The following OR10K1 variants were observed in gnomAD, a reference collection of about 807,000 sequenced individuals.
OR10K1 encodes the protein olfactory receptor 10K1.
For missense variants in OR10K1, 404 were observed against 373.3 expected (o/e 1.08, Z -0.68); for synonymous variants, 186 against 152.5 (o/e 1.22, Z -1.62).
At position 158,465,734 on chromosome 1, in the gene OR10K1, C is replaced by T. The variant is rs144744246; in HGVS notation, c.173C>T (p.Pro58Leu). The T allele has an allele frequency of 5.0e-6, 8 of 1,614,080 alleles. No individual in the cohort carries two copies. The African/African-American group carries it at 1.1e-4, about 22-fold the overall frequency. Residue 58 changes from proline (P) to leucine (L), a missense_variant, in exon 2 of 2, where the codon CCC (proline) becomes CTC (leucine). Physicochemically the swap from Pro to Leu is moderately conservative, Grantham distance 98. Transcript: ENST00000641535. ...TIVLDRALHT[P>L]MYFFLAILSC... ...GTGCTGGACAGAGCCCTTCATACTC[C>T]CATGTACTTCTTCCTTGCCATCCTT...
Position 158,465,831 on chromosome 1 carries a change from G to A in OR10K1, c.270G>A (p.Lys90=), listed in dbSNP as rs1656023318. The change falls in exon 2 of 2, where the codon AAG becomes AAA. Residue 90 remains lysine, a synonymous_variant. Transcript: ENST00000641535. The part of the protein sequence containing the change: ...KMLVDLLSQK[K]TISFLGCAIQ... ...TGGTTGACCTGCTGTCCCAGAAGAAGACCATTTCTTTCCTGGGCTGTGCCA... is the reference window on the plus strand; with the variant it reads ...TGGTTGACCTGCTGTCCCAGAAGAAAACCATTTCTTTCCTGGGCTGTGCCA... 2 of 1,614,066 alleles carry A rather than the reference G, an allele frequency of 1.2e-6. No homozygotes were observed. The highest frequency in any genetic ancestry group is 8.5e-7 in the Non-Finnish European group (1 of 1,180,044).
At position 158,467,103 on chromosome 1, in the gene OR10K1, T is replaced by A; in HGVS notation, c.*600T>A. The A allele has an allele frequency of 6.5e-6, 1 of 153,166 alleles. No individual in the cohort carries two copies. The highest frequency in any genetic ancestry group is 1.5e-5 in the Non-Finnish European group (1 of 68,804). 9.5% of individuals were successfully genotyped at this position (153,166 alleles called of 1,614,324 possible). A position where few individuals can be genotyped will look rare whatever the true frequency, so the allele number is the denominator to read the frequency against. On this transcript the variant is annotated 3_prime_UTR_variant, in exon 2 of 2. Coordinates refer to ENST00000641535, the MANE Select transcript of OR10K1 (RefSeq NM_001004473.2). The stretch of plus-strand genomic sequence containing the variant: ...TGGAACCACTTTATGGTTCTCTTCC[T>A]GATGCACATGTATGTCCTTCACATA...
Position 158,466,562 on chromosome 1 carries a change from AC to A in OR10K1, c.*60del. ...ATGCCAGGCAGAACGTGTGTTTTAT[AC>A]ATTTTTTTTCATTTAATTGTCCAGC... is the stretch of plus-strand genomic sequence containing the variant. On this transcript the variant is annotated 3_prime_UTR_variant, in exon 2 of 2. Transcript: ENST00000641535. 1 of 1,062,766 alleles carries A rather than the reference AC, an allele frequency of 9.4e-7. No individual in the cohort carries two copies. Among genetic ancestry groups the A allele is most frequent in the Non-Finnish European group, 1.4e-6 (1 of 723,640 alleles). The allele number at this position is 1,062,766 out of a possible 1,614,324, so 65.8% of individuals were successfully genotyped here. A position where few individuals can be genotyped will look rare whatever the true frequency, so the allele number is the denominator to read the frequency against.
chr1:158,465,975 T>G lies in OR10K1; in HGVS notation c.414T>G (p.His138Gln), dbSNP rs905468081. 1.2e-6 allele frequency: 2 copies of G among 1,614,050 alleles called. No homozygotes were observed. The highest frequency in any genetic ancestry group is 1.7e-5 in the Admixed American group (1 of 60,000). ...NPLRYSVLMG[H>Q]GVCMGLMAAA... is the part of the protein sequence containing the mutation. The stretch of plus-strand genomic sequence containing the variant: ...TGCGCTACTCAGTGCTCATGGGACA[T>G]GGGGTGTGTATGGGACTAATGGCTG... The change falls in exon 2 of 2, where the codon CAT (histidine) becomes CAG (glutamine). Residue 138 changes from histidine to glutamine, a missense_variant. His to Gln is a conservative substitution (Grantham distance 24). Coordinates refer to ENST00000641535, the MANE Select transcript of OR10K1 (RefSeq NM_001004473.2).
rs59610694 is a variant in OR10K1 at position 158,464,583 on chromosome 1, T to A, written c.-156-823T>A. 9.3e-3 allele frequency among the ~76,000 whole-genome samples: 1,410 copies of A among 152,292 alleles called. 16 individuals are homozygous for A. The highest frequency in any genetic ancestry group is 0.032 in the African/African-American group (1,348 of 41,564). On this transcript the variant is annotated intron_variant, in intron 1 of 1. Transcript: ENST00000641535. ...TCTCTCTTTACCACCCTGGTGACTA[T>A]TCTCTTCCTGAAAGAAGAATTTTTT...
chr1:158,466,778 G>C lies in OR10K1; in HGVS notation c.*275G>C, dbSNP rs1017279687. ...ATTGCTAATTTAAAAACTAATATGA[G>C]AGCAAAGATGCATCTAAACTGATGA... On this transcript the variant is annotated 3_prime_UTR_variant, in exon 2 of 2. Coordinates refer to ENST00000641535, the MANE Select transcript of OR10K1 (RefSeq NM_001004473.2). 1.6e-5 allele frequency: 6 copies of C among 365,134 alleles called. No individual in the cohort carries two copies. Among genetic ancestry groups the C allele is most frequent in the African/African-American group, 1.3e-4 (6 of 45,452 alleles). The allele number at this position is 365,134 out of a possible 1,614,324, so 22.6% of individuals were successfully genotyped here.
chr1:158,466,049 T>G lies in OR10K1; in HGVS notation c.488T>G (p.Val163Gly). ...FTVSLVTTSL[V>G]FHLPFHSSNQ... ...GTCTCCCTGGTCACCACCTCCCTAG[T>G]ATTTCATCTGCCCTTCCACTCCTCC... Residue 163 changes from valine (V) to glycine (G), a missense_variant, in exon 2 of 2, where the codon GTA becomes GGA. Val to Gly is a moderately radical substitution (Grantham distance 109, BLOSUM62 -3). Coordinates refer to ENST00000641535, the MANE Select transcript of OR10K1 (RefSeq NM_001004473.2). 1 of 1,614,096 alleles carries G rather than the reference T, an allele frequency of 6.2e-7. No individual in the cohort carries two copies. The highest frequency in any genetic ancestry group is 1.3e-5 in the African/African-American group (1 of 75,024).
Position 158,465,388 on chromosome 1 carries a change from G to A in OR10K1, c.-156-18G>A, listed in dbSNP as rs780984958. ...TATCAGTTATTCTTTTGCATATTTT[G>A]CCTAATTCTTCTTTTAGCAGGCATT... On this transcript the variant is annotated intron_variant, in intron 1 of 1. Coordinates refer to ENST00000641535, the MANE Select transcript of OR10K1 (RefSeq NM_001004473.2). 1 of 613,052 alleles carries A rather than the reference G, an allele frequency of 1.6e-6. No individual in the cohort carries two copies. The highest frequency in any genetic ancestry group is 2.9e-6 in the Non-Finnish European group (1 of 345,886). The allele number at this position is 613,052 out of a possible 1,614,324, so 38.0% of individuals were successfully genotyped here. A position where few individuals can be genotyped will look rare whatever the true frequency, so the allele number is the denominator to read the frequency against.
chr1:158,466,197 A>G lies in OR10K1; in HGVS notation c.636A>G (p.Leu212=), dbSNP rs1286098256. 2 of 1,614,002 alleles carry G rather than the reference A, an allele frequency of 1.2e-6. No homozygotes were observed. Among genetic ancestry groups the G allele is most frequent in the Middle Eastern group, 1.6e-4 (1 of 6,084 alleles). The change falls in exon 2 of 2, where the codon CTA becomes CTG. Residue 212 remains leucine (L), a synonymous_variant. Transcript: ENST00000641535. ...TATTTGCCTTGGTCATTCCTCTGCTACTTATCCTAGTCTCCTACATCCGCA... is the reference window on the plus strand; with the variant it reads ...TATTTGCCTTGGTCATTCCTCTGCTGCTTATCCTAGTCTCCTACATCCGCA... ...LGVFALVIPL[L]LILVSYIRII...
At position 158,465,938 on chromosome 1, in the gene OR10K1, T is replaced by A. The variant is rs749880625; in HGVS notation, c.377T>A (p.Ile126Asn). ...AAMGYDRYMAICNPLRYSVLM... is the reference protein window; with the variant it reads ...AAMGYDRYMANCNPLRYSVLM... Reference sequence around the variant, plus strand: ...ATGGGCTATGATCGCTATATGGCCATCTGTAACCCACTGCGCTACTCAGTG... The same window carrying A: ...ATGGGCTATGATCGCTATATGGCCAACTGTAACCCACTGCGCTACTCAGTG... The change falls in exon 2 of 2, where the codon ATC (isoleucine) becomes AAC (asparagine). Residue 126 changes from isoleucine (I) to asparagine (N), a missense_variant. Physicochemically the swap from Ile to Asn is moderately radical, Grantham distance 149 (BLOSUM62 -3). Transcript: ENST00000641535. The A allele has an allele frequency of 1.4e-5, 22 of 1,614,168 alleles. No homozygotes were observed. The Admixed American group carries it at 3.7e-4, about 27-fold the overall frequency.
At position 158,466,282 on chromosome 1, in the gene OR10K1, T is replaced by A. The variant is rs778519534; in HGVS notation, c.721T>A (p.Cys241Ser). The A allele has an allele frequency of 3.7e-6, 6 of 1,614,148 alleles. No individual in the cohort carries two copies. Among genetic ancestry groups the A allele is most frequent in the African/African-American group, 1.3e-5 (1 of 75,058 alleles). Residue 241 changes from cysteine to serine, a missense_variant, in exon 2 of 2, where the codon TGT becomes AGT. Physicochemically the swap from Cys to Ser is moderately radical, Grantham distance 112. Coordinates refer to ENST00000641535, the MANE Select transcript of OR10K1 (RefSeq NM_001004473.2). ...TGGAAGATACAAGACCTTCTCCACC[T>A]GTGCCTCCCATCTCATTGTGGTAAC... is the stretch of plus-strand genomic sequence containing the variant. Reference protein sequence around the residue: ...SVGRYKTFSTCASHLIVVTVH... With the variant: ...SVGRYKTFSTSASHLIVVTVH...
chr1:158,462,841 G>A (rs539712780), intron 1 of OR10K1, among the ~76,000 whole-genome samples: 1 of 152,264 alleles, frequency 6.6e-6, no homozygotes, highest in Admixed American at 6.5e-5. Flanking sequence ...AATCCCAGTG[G>A]AGCATCTGAG....
chr1:158,463,778 T>G (rs915997507), intron 1 of OR10K1, among the ~76,000 whole-genome samples: 1 of 152,124 alleles, frequency 6.6e-6, no homozygotes, highest in African/African-American at 2.4e-5. Context: ...GTAGGGAAAC[T>G]TTTACCTTTC....
chr1:158,462,782 A>T (rs1050391451), intron 1 of OR10K1, among the ~76,000 whole-genome samples: 1 of 152,210 alleles, frequency 6.6e-6, no homozygotes, highest in Non-Finnish European at 1.5e-5. Flanking sequence ...TTTTGGGGGA[A>T]CCCAGCACCC....
intron 1 of OR10K1, among the ~76,000 whole-genome samples, chr1:158,464,716 T>C (rs1245738293): frequency 1.3e-5 from 2 of 152,198 alleles, no homozygotes; most frequent in African/African-American, 2.4e-5. Context: ...AGGCACAATC[T>C]TGGCTCACTG....
In OR10K1 at chr1:158,466,954, T is replaced by G. The variant is rs1384358873; in HGVS notation, c.*451T>G. ...CTTTTCCTAAAGACAACAGAAAACT[T>G]TGGTCCCACACATTCTGCTACAAAT... On this transcript the variant is annotated 3_prime_UTR_variant, in exon 2 of 2. Transcript: ENST00000641535. 1 of 154,032 alleles carries G rather than the reference T, an allele frequency of 6.5e-6. No homozygotes were observed. Among genetic ancestry groups the G allele is most frequent in the East Asian group, 1.9e-4 (1 of 5,216 alleles). 9.5% of individuals were successfully genotyped at this position (154,032 alleles called of 1,614,324 possible).
chr1:158,465,839 C>A lies in OR10K1; in HGVS notation c.278C>A (p.Ser93Tyr). The change falls in exon 2 of 2, where the codon TCT becomes TAT. Residue 93 changes from serine (S) to tyrosine (Y), a missense_variant. Coordinates refer to ENST00000641535, the MANE Select transcript of OR10K1 (RefSeq NM_001004473.2). ...VDLLSQKKTI[S>Y]FLGCAIQMFS... is the part of the protein sequence containing the mutation. Reference sequence around the variant, plus strand: ...CTGCTGTCCCAGAAGAAGACCATTTCTTTCCTGGGCTGTGCCATCCAAATG... The same window carrying A: ...CTGCTGTCCCAGAAGAAGACCATTTATTTCCTGGGCTGTGCCATCCAAATG... The A allele has an allele frequency of 2.5e-6, 4 of 1,614,234 alleles. No individual in the cohort carries two copies. Among genetic ancestry groups the A allele is most frequent in the South Asian group, 2.2e-5 (2 of 91,084 alleles).
At position 158,465,613 on chromosome 1, in the gene OR10K1, T is replaced by A. The variant is rs1656017428; in HGVS notation, c.52T>A (p.Ser18Thr). 1 of 1,614,016 alleles carries A rather than the reference T, an allele frequency of 6.2e-7. No homozygotes were observed. Among genetic ancestry groups the A allele is most frequent in the African/African-American group, 1.3e-5 (1 of 74,926 alleles). Residue 18 changes from serine to threonine, a missense_variant, in exon 2 of 2, where the codon TCA (serine) becomes ACA (threonine). Physicochemically the swap from Ser to Thr is moderately conservative, Grantham distance 58. Coordinates refer to ENST00000641535, the MANE Select transcript of OR10K1 (RefSeq NM_001004473.2). Reference protein sequence around the residue: ...VVREFVVLGFSSLARLQQLLF... With the variant: ...VVREFVVLGFTSLARLQQLLF... The stretch of plus-strand genomic sequence containing the variant: ...GAGAGAGTTCGTCGTCCTCGGCTTC[T>A]CATCCCTGGCCAGGCTGCAGCAGCT...
chr1:158,463,548 T>G (rs927837860), intron 1 of OR10K1, among the ~76,000 whole-genome samples: 2 of 152,242 alleles, frequency 1.3e-5, no homozygotes, highest in Admixed American at 1.3e-4. Context: ...ATACAGGTAC[T>G]CCTTCAGAAT....
Sources: allele counts gnomAD v4.1 joint callset (sites outside exome capture counted in the v4.1 genomes callset), GRCh38; gene constraint gnomAD v4.1.1; transcripts MANE v1.5; gene names NCBI Gene and HGNC (gene_info 2026-07-23, HGNC 2026-07-21).